The following NR3C2 variants were observed in gnomAD, a reference collection of about 807,000 sequenced individuals.
NR3C2 encodes nuclear receptor subfamily 3 group C member 2, also known as mineralocorticoid receptor.
Under a neutral mutation model 86.4 loss-of-function variants are expected in NR3C2, and 15 were observed. The observed-to-expected ratio is 0.17, with a 90% confidence interval of 0.12 to 0.27. NR3C2 has a LOEUF of 0.27. NR3C2 is among the 10% of genes least tolerant of loss of function. NR3C2 has a pLI of 1.00. For synonymous variants in NR3C2, 458 were observed against 450.5 expected (o/e 1.02, Z -0.21); for missense variants, 960 against 1,195.6 (o/e 0.80, Z 2.91).
intron 2 of NR3C2, among the ~76,000 whole-genome samples, chr4:148,301,364 G>A (rs1452574244): frequency 1.3e-5 from 2 of 152,158 alleles, no homozygotes; most frequent in Non-Finnish European, 2.9e-5. Flanking sequence ...TTAAGATTAT[G>A]GGTAAAATGC....
At chr4:148,166,368 C>T (rs72653828) in intron 4 of NR3C2, among the ~76,000 whole-genome samples, 2 of 152,198 alleles carry the variant, frequency 1.3e-5, no homozygotes, top group Non-Finnish European at 2.9e-5. Flanking sequence ...TGGGCAGGGC[C>T]ACGCCAGAGT....
At chr4:148,308,443 A>G (rs972973002) in intron 2 of NR3C2, among the ~76,000 whole-genome samples, 16 of 152,266 alleles carry the variant, frequency 1.1e-4, no homozygotes, top group Admixed American at 1.0e-3. Context: ...TTTACTCTAA[A>G]AAAACTACAT....
At chr4:148,133,994 T>C (rs1177412748) in intron 6 of NR3C2, among the ~76,000 whole-genome samples, 1 of 152,242 alleles carries the variant, frequency 6.6e-6, no homozygotes, top group Non-Finnish European at 1.5e-5. Context: ...TCATAGACAC[T>C]ATTAAATTCA....
intron 3 of NR3C2, among the ~76,000 whole-genome samples, chr4:148,211,116 T>TC (rs1187112578): frequency 3.3e-5 from 5 of 152,318 alleles, no homozygotes; most frequent in African/African-American, 1.2e-4. Context: ...ACTGTCCTTA[T>TC]CCCACATAAG....
chr4:148,422,293 T>C (rs1749320674), intron 2 of NR3C2, among the ~76,000 whole-genome samples: 1 of 151,740 alleles, frequency 6.6e-6, no homozygotes, highest in Admixed American at 6.6e-5. Flanking sequence ...AGATTGGGTA[T>C]GAAAATGACA....
chr4:148,346,302 G>T (rs571791980), intron 2 of NR3C2, among the ~76,000 whole-genome samples: 1 of 152,234 alleles, frequency 6.6e-6, no homozygotes, highest in East Asian at 1.9e-4. Context: ...ACATAGCCCA[G>T]ATAGAAAACG....
At chr4:148,112,950 T>C (rs1288301856) in intron 8 of NR3C2, among the ~76,000 whole-genome samples, 1 of 152,208 alleles carries the variant, frequency 6.6e-6, no homozygotes, top group Admixed American at 6.5e-5. Flanking sequence ...CAGGATGAAC[T>C]TGGGCAATAA....
rs552294883 is a variant in NR3C2, at chr4:148,403,662, T to C, written c.1757+31442A>G. 3.3e-5 allele frequency among the ~76,000 whole-genome samples: 5 copies of C among 152,244 alleles called. No individual in the cohort carries two copies. The South Asian group carries it at 1.0e-3, about 32-fold the overall frequency. ...TAATATTAAGACAACCTTTTTCTTA[T>C]GTTAGATTTGATCACAGTAATTTGC... On this transcript the variant is annotated intron_variant, in intron 2 of 8. Coordinates refer to ENST00000358102, the MANE Select transcript of NR3C2 (RefSeq NM_000901.5).
At chr4:148,404,547 A>G (rs544438224) in intron 2 of NR3C2, among the ~76,000 whole-genome samples, 31 of 152,284 alleles carry the variant, frequency 2.0e-4, no homozygotes, top group South Asian at 1.0e-3. Context: ...CCTCATAAGC[A>G]TAAGTATAAT....
intron 8 of NR3C2, among the ~76,000 whole-genome samples, chr4:148,113,168 A>G (rs1732119852): frequency 6.6e-6 from 1 of 152,222 alleles, no homozygotes; most frequent in South Asian, 2.1e-4. Context: ...AATTGATTAA[A>G]TTAGAAACAA....
intron 2 of NR3C2, among the ~76,000 whole-genome samples, chr4:148,289,703 A>G (rs1245032981): frequency 6.6e-6 from 1 of 152,170 alleles, no homozygotes; most frequent in Non-Finnish European, 1.5e-5. Flanking sequence ...AATAGAACAG[A>G]GCAAAAGTTA....
Position 148,154,542 on chromosome 4 carries a change from C to G in NR3C2, c.2365+9G>C. On this transcript the variant is annotated intron_variant, in intron 5 of 8. Coordinates refer to ENST00000358102, the MANE Select transcript of NR3C2 (RefSeq NM_000901.5). ...AGGATGCAGCCTGTGAAAGGAGAGG[C>G]AATCCTACCTGGAAGTACCTTTGCC... 6.2e-7 allele frequency: 1 copy of G among 1,613,406 alleles called. No homozygotes were observed. Among genetic ancestry groups the G allele is most frequent in the South Asian group, 1.1e-5 (1 of 91,062 alleles).
At chr4:148,166,262 T>A (rs1734873131) in intron 4 of NR3C2, among the ~76,000 whole-genome samples, 1 of 152,212 alleles carries the variant, frequency 6.6e-6, no homozygotes, top group South Asian at 2.1e-4. Flanking sequence ...GGATTCCAGC[T>A]AGTCTCTGCA....
chr4:148,425,187 A>T (rs1749467366), intron 2 of NR3C2, among the ~76,000 whole-genome samples: 1 of 152,226 alleles, frequency 6.6e-6, no homozygotes. Flanking sequence ...CTGCTAGTCA[A>T]TCCATCCATT....
chr4:148,130,787 G>A (rs1234211149), intron 6 of NR3C2, among the ~76,000 whole-genome samples: 2 of 128,468 alleles, frequency 1.6e-5, no homozygotes, highest in South Asian at 2.5e-4. Flanking sequence ...CAATGAACAC[G>A]TTTTTTTTTT....
At chr4:148,387,927 A>G (rs1412498110) in intron 2 of NR3C2, among the ~76,000 whole-genome samples, 3 of 152,212 alleles carry the variant, frequency 2.0e-5, no homozygotes, top group Non-Finnish European at 4.4e-5. Flanking sequence ...CCTATTTACC[A>G]TCAAATATTT....
intron 3 of NR3C2, among the ~76,000 whole-genome samples, chr4:148,226,954 A>G (rs1579039634): frequency 6.6e-6 from 1 of 152,200 alleles, no homozygotes; most frequent in Non-Finnish European, 1.5e-5. Context: ...GACTAACAAA[A>G]AAGTTTAAGA....
intron 2 of NR3C2, among the ~76,000 whole-genome samples, chr4:148,405,912 G>A (rs79930091): frequency 1.5e-3 from 232 of 152,346 alleles, no homozygotes; most frequent in African/African-American, 5.4e-3. Context: ...GGGAGGCAGA[G>A]GCAGGTGGAT....
chr4:148,106,357 TAA>T (rs1731796276), intron 8 of NR3C2, among the ~76,000 whole-genome samples: 1 of 152,018 alleles, frequency 6.6e-6, no homozygotes, highest in Non-Finnish European at 1.5e-5. Context: ...CTCAAGAAAA[TAA>T]GAGAGGACAC....
Sources: allele counts gnomAD v4.1 joint callset (sites outside exome capture counted in the v4.1 genomes callset), GRCh38; gene constraint gnomAD v4.1.1; transcripts MANE v1.5; gene names NCBI Gene and HGNC (gene_info 2026-07-23, HGNC 2026-07-21).